Variants in NCOR1 observed in about 807,000 individuals in gnomAD.
NCOR1 encodes nuclear receptor corepressor 1.
Under a neutral mutation model 288.1 loss-of-function variants are expected in NCOR1, and 63 were observed. The observed-to-expected ratio is 0.22, with a 90% CI of 0.18 to 0.27. The LOEUF is 0.27. Among genes scored for constraint, NCOR1 ranks in the 10% least tolerant of loss-of-function variants. NCOR1 has a pLI of 1.00. For synonymous variants in NCOR1, 1,007 were observed against 1,065.9 expected (o/e 0.94, Z 1.08); for missense variants, 2,397 against 3,019.2 (o/e 0.79, Z 4.83).
intron 1 of NCOR1, 120 bp downstream of exon 1, chr17:16,215,242 T>G (rs2092453490): frequency 2.6e-6 from 1 of 382,834 alleles, no homozygotes; most frequent in African/African-American, 2.1e-5. Context: ...TGCCCAGGCC[T>G]GCGACACCCC....
chr17:16,072,025 A>C (rs1267982719), intron 29 of NCOR1, 120 bp downstream of exon 29: 9 of 766,318 alleles, frequency 1.2e-5, no homozygotes, highest in Non-Finnish European at 1.9e-5. Flanking sequence ...AATAACCAAG[A>C]CTTTAATATT....
At chr17:16,155,258 G>A (rs1363115613) in intron 6 of NCOR1, among the ~76,000 whole-genome samples, 3 of 151,742 alleles carry the variant, frequency 2.0e-5, no homozygotes, top group Non-Finnish European at 4.4e-5. Context: ...GGCTGAGGCG[G>A]GAGAATCACT....
intron 15 of NCOR1, among the ~76,000 whole-genome samples, 171 bp downstream of exon 15, chr17:16,125,911 G>A (rs1026460653): frequency 2.0e-5 from 3 of 151,750 alleles, no homozygotes; most frequent in South Asian, 2.1e-4. Flanking sequence ...GAGGGGGTGG[G>A]TGAGGTATAA....
At chr17:16,160,729 T>C (rs900460122) in intron 5 of NCOR1, among the ~76,000 whole-genome samples, 3 of 151,920 alleles carry the variant, frequency 2.0e-5, no homozygotes, top group African/African-American at 7.3e-5. Flanking sequence ...GAGGTGGAGG[T>C]TGCAGTGAGC....
chr17:16,137,406 G>A lies in NCOR1; in HGVS notation c.1414C>T (p.Pro472Ser). ...AAATAGTAATACAAAACACAATCAGGAACACTCTGTAAGAAATAAAACAAT... is the reference window on the plus strand; with the variant it reads ...AAATAGTAATACAAAACACAATCAGAAACACTCTGTAAGAAATAAAACAAT... ...IASYLERKSVPDCVLYYYLTK... is the reference protein window; with the variant it reads ...IASYLERKSVSDCVLYYYLTK... The change falls in exon 14 of 46, where the codon CCT (proline) becomes TCT (serine). Residue 472 changes from proline (P) to serine (S), a missense_variant. By Grantham distance (74) the Pro-to-Ser change is moderately conservative. Transcript: ENST00000268712. 2 of 1,513,498 alleles carry A rather than the reference G, an allele frequency of 1.3e-6. No individual in the cohort carries two copies. The highest frequency in any genetic ancestry group is 1.3e-5 in the South Asian group (1 of 79,804). 93.8% of individuals were successfully genotyped at this position (1,513,498 alleles called of 1,614,324 possible).
chr17:16,141,788 T>C (rs1421379347), intron 11 of NCOR1, among the ~76,000 whole-genome samples: 2 of 152,182 alleles, frequency 1.3e-5, no homozygotes, highest in African/African-American at 4.8e-5. Flanking sequence ...CTATAAATAT[T>C]TGTTGAAAGA....
In NCOR1 at chr17:16,080,705, G is replaced by C. The variant is rs780784798; in HGVS notation, c.3200C>G (p.Thr1067Ser). Residue 1067 changes from threonine to serine, a missense_variant, in exon 24 of 46, where the codon ACT becomes AGT. Thr to Ser is a moderately conservative substitution (Grantham distance 58). Transcript: ENST00000268712. The part of the protein sequence containing the change: ...ISQGTPGTYL[T>S]SHNQASYTQE... ...AGTGTAGGAAGCCTGATTATGAGAA[G>C]TCAAATAAGTGCCTGGTGTTCCCTA... 7.4e-6 allele frequency: 12 copies of C among 1,612,984 alleles called. No homozygotes were observed. The highest frequency in any genetic ancestry group is 1.3e-5 in the African/African-American group (1 of 74,864).
intron 3 of NCOR1, among the ~76,000 whole-genome samples, chr17:16,184,614 G>A (rs1372227269): frequency 2.0e-5 from 3 of 152,110 alleles, no homozygotes. Context: ...CACTGCTGGT[G>A]GTAACGTAAA....
intron 10 of NCOR1, among the ~76,000 whole-genome samples, chr17:16,145,715 G>T (rs1384833839): frequency 6.6e-6 from 1 of 151,906 alleles, no homozygotes; most frequent in African/African-American, 2.4e-5. Flanking sequence ...TCCGGGAGGT[G>T]GGGGGCAGCC....
chr17:16,036,747 G>A (rs771909501), intron 44 of NCOR1, among the ~76,000 whole-genome samples: 26 of 152,182 alleles, frequency 1.7e-4, no homozygotes, highest in Non-Finnish European at 3.4e-4. Flanking sequence ...GTTAGGGCTT[G>A]GATTAGGATT....
At chr17:16,205,469 A>G (rs2091378238) in intron 1 of NCOR1, among the ~76,000 whole-genome samples, 1 of 151,042 alleles carries the variant, frequency 6.6e-6, no homozygotes, top group Admixed American at 6.6e-5. Flanking sequence ...CTAAATATAT[A>G]AATTAGCCAG....
intron 3 of NCOR1, among the ~76,000 whole-genome samples, chr17:16,173,728 G>A (rs1014374249): frequency 3.9e-5 from 6 of 152,046 alleles, no homozygotes; most frequent in East Asian, 1.9e-4. Context: ...TCAGGAGTTC[G>A]AGACCAGCCT....
At chr17:16,181,427 G>A (rs1347007123) in intron 3 of NCOR1, among the ~76,000 whole-genome samples, 1 of 149,128 alleles carries the variant, frequency 6.7e-6, no homozygotes, top group Non-Finnish European at 1.5e-5. Flanking sequence ...CAGGGATAGA[G>A]AATGAAACAG....
intron 5 of NCOR1, among the ~76,000 whole-genome samples, chr17:16,160,436 G>A (rs1453999613): frequency 6.6e-6 from 1 of 151,952 alleles, no homozygotes; most frequent in African/African-American, 2.4e-5. Context: ...GAAAAATTAG[G>A]TAAAGACAAA....
intron 3 of NCOR1, among the ~76,000 whole-genome samples, chr17:16,185,923 C>A (rs1244314772): frequency 3.3e-5 from 5 of 151,738 alleles, no homozygotes; most frequent in African/African-American, 1.2e-4. Flanking sequence ...GGCAACAGAG[C>A]TAGAAAGATC....
rs1412518441 is a variant in NCOR1, at chr17:16,117,076, G to C, written c.2055+812C>G. On this transcript the variant is annotated intron_variant, in intron 18 of 45. Transcript: ENST00000268712. Reference sequence around the variant, plus strand: ...TATGGTCTTTGACAACCACTACACTGGAACTTACTTATTAAGGAATTTCCA... The same window carrying C: ...TATGGTCTTTGACAACCACTACACTCGAACTTACTTATTAAGGAATTTCCA... 2.6e-5 allele frequency among the ~76,000 whole-genome samples: 4 copies of C among 152,090 alleles called. No homozygotes were observed. The South Asian group carries it at 8.3e-4, about 32-fold the overall frequency.
At chr17:16,124,514 T>C (rs1426920618) in intron 15 of NCOR1, among the ~76,000 whole-genome samples, 3 of 152,204 alleles carry the variant, frequency 2.0e-5, no homozygotes, top group African/African-American at 4.8e-5. Context: ...CACATCAATG[T>C]ACACATTTCA....
intron 3 of NCOR1, among the ~76,000 whole-genome samples, chr17:16,172,961 T>A (rs1244057737): frequency 6.6e-6 from 1 of 152,164 alleles, no homozygotes; most frequent in Non-Finnish European, 1.5e-5. Context: ...TTTGTTTGTT[T>A]ATTTCTTTTT....
In NCOR1 at chr17:16,108,943, A is replaced by G. The variant is rs1212699130; in HGVS notation, c.2056-31T>C. On this transcript the variant is annotated intron_variant, in intron 18 of 45. Coordinates refer to ENST00000268712, the MANE Select transcript of NCOR1 (RefSeq NM_006311.4). ...GGAGGAAAGAGTATTATTTGATTTAAATAACTAAAAAGAAAAAAAAATTCA... is the reference window on the plus strand; with the variant it reads ...GGAGGAAAGAGTATTATTTGATTTAGATAACTAAAAAGAAAAAAAAATTCA... 7 of 1,511,544 alleles carry G rather than the reference A, an allele frequency of 4.6e-6. No homozygotes were observed. The African/African-American group carries it at 8.4e-5, about 18-fold the overall frequency. The allele number at this position is 1,511,544 out of a possible 1,614,324, so 93.6% of individuals were successfully genotyped here.
Sources: allele counts gnomAD v4.1 joint callset (sites outside exome capture counted in the v4.1 genomes callset), GRCh38; gene constraint gnomAD v4.1.1; transcripts MANE v1.5; gene names NCBI Gene and HGNC (gene_info 2026-07-23, HGNC 2026-07-21).